Variants in ADAMTS18 observed in about 807,000 individuals in gnomAD.
ADAMTS18 encodes A disintegrin and metalloproteinase with thrombospondin motifs 18.
ADAMTS18 carries 157 observed loss-of-function variants against 165.9 expected under a neutral mutation model. The observed-to-expected ratio is 0.95, with a 90% CI of 0.83 to 1.08. ADAMTS18 has a LOEUF of 1.08. ADAMTS18 is among the 50% of genes least tolerant of loss of function. The probability of loss-of-function intolerance (pLI) is 0.00; values close to 1 mark genes in which losing one functional copy is unlikely to be tolerated. For synonymous variants in ADAMTS18, 782 were observed against 578.2 expected (o/e 1.35, Z -5.06); for missense variants, 2,040 against 1,534.0 (o/e 1.33, Z -5.51).
At chr16:77,365,544 T>C (rs1433472601) in intron 4 of ADAMTS18, among the ~76,000 whole-genome samples, 1 of 152,180 alleles carries the variant, frequency 6.6e-6, no homozygotes, top group East Asian at 1.9e-4. Flanking sequence ...TATTAAACAC[T>C]TTTCATAACT....
At chr16:77,366,326 G>C (rs2056793087) in intron 4 of ADAMTS18, among the ~76,000 whole-genome samples, 1 of 152,210 alleles carries the variant, frequency 6.6e-6, no homozygotes, top group South Asian at 2.1e-4. Context: ...GGGAGACCGA[G>C]GCGGGTGGAT....
At chr16:77,388,629 A>G (rs371894430) in intron 3 of ADAMTS18, among the ~76,000 whole-genome samples, 8 of 152,306 alleles carry the variant, frequency 5.3e-5, no homozygotes, top group African/African-American at 1.9e-4. Context: ...CACTGAAGGC[A>G]TAAATATATA....
chr16:77,429,612 T>A (rs562692689), intron 3 of ADAMTS18, among the ~76,000 whole-genome samples: 18 of 152,124 alleles, frequency 1.2e-4, no homozygotes, highest in Non-Finnish European at 2.5e-4. Flanking sequence ...GATAAAAACA[T>A]CATGAAATCT....
At position 77,355,993 on chromosome 16, in the gene ADAMTS18, A is replaced by C; in HGVS notation, c.1407T>G (p.Asn469Lys). ...NIMSPTLTGN[N>K]GVFSWSSCSR... ...TGCAGGAAGACCATGAAAACACTCC[A>C]TTGTTTCCGGTCAGTGTGGGAGACA... is the stretch of plus-strand genomic sequence containing the variant. Residue 469 changes from asparagine (N) to lysine (K), a missense_variant, in exon 9 of 23, where the codon AAT becomes AAG. Transcript: ENST00000282849. The C allele has an allele frequency of 6.2e-7, 1 of 1,614,020 alleles. No homozygotes were observed. Among genetic ancestry groups the C allele is most frequent in the Non-Finnish European group, 8.5e-7 (1 of 1,179,976 alleles).
At position 77,434,403 on chromosome 16, in the gene ADAMTS18, G is replaced by A. The variant is rs781486647; in HGVS notation, c.178+15C>T. 10 of 1,563,898 alleles carry A rather than the reference G, an allele frequency of 6.4e-6. No homozygotes were observed. Among genetic ancestry groups the A allele is most frequent in the Non-Finnish European group, 8.6e-6 (10 of 1,161,098 alleles). On this transcript the variant is annotated intron_variant, in intron 2 of 22. Coordinates refer to ENST00000282849, the MANE Select transcript of ADAMTS18 (RefSeq NM_199355.4). The stretch of plus-strand genomic sequence containing the variant: ...TGCGAAAGGCCCTTCTTGGGGATGG[G>A]GGGCAAATACGAACCATCATTTAAT...
intron 2 of ADAMTS18, 122 bp from the exon 3 acceptor site, chr16:77,431,733 C>G: frequency 2.9e-6 from 3 of 1,028,192 alleles, no homozygotes; most frequent in Non-Finnish European, 4.5e-6. Context: ...TTGCCTTGCA[C>G]CTAGATCAAA....
At chr16:77,400,452 GTGTC>G (rs1478293272) in intron 3 of ADAMTS18, among the ~76,000 whole-genome samples, 2,272 of 72,142 alleles carry the variant, frequency 0.031, 25 homozygotes, top group African/African-American at 0.048. Flanking sequence ...GTGTGTGTGT[GTGTC>G]TGTGTGTGTG....
chr16:77,333,234 GTTGA>G (rs1887959578), intron 12 of ADAMTS18, among the ~76,000 whole-genome samples: 1 of 152,034 alleles, frequency 6.6e-6, no homozygotes, highest in African/African-American at 2.4e-5. Flanking sequence ...TAAAACTCTG[GTTGA>G]TTGTTACTAA....
At chr16:77,349,683 A>C (rs576203427) in intron 10 of ADAMTS18, among the ~76,000 whole-genome samples, 1 of 152,244 alleles carries the variant, frequency 6.6e-6, no homozygotes, top group East Asian at 1.9e-4. Context: ...CTTCAGGAAA[A>C]GGCATAGACC....
At position 77,312,982 on chromosome 16, in the gene ADAMTS18, G is replaced by GAC. The variant is rs1047027655; in HGVS notation, c.2532+6865_2532+6866dup. ...GGATTATAAATCATGCTGCTATAAA[G>GAC]ACACACACACACGTATATTTATTGC... On this transcript the variant is annotated intron_variant, in intron 16 of 22. Coordinates refer to ENST00000282849, the MANE Select transcript of ADAMTS18 (RefSeq NM_199355.4). 3.6e-4 allele frequency among the ~76,000 whole-genome samples: 55 copies of GAC among 152,172 alleles called. No homozygotes were observed. In the Middle Eastern group the frequency reaches 0.017, roughly 47 times the overall value.
intron 3 of ADAMTS18, among the ~76,000 whole-genome samples, chr16:77,422,586 A>G (rs533610684): frequency 6.6e-6 from 1 of 150,982 alleles, no homozygotes; most frequent in South Asian, 2.1e-4. Flanking sequence ...GGAAGGAGGT[A>G]GGGAGGAAGG....
intron 3 of ADAMTS18, among the ~76,000 whole-genome samples, chr16:77,403,489 A>T (rs2057356441): frequency 6.6e-6 from 1 of 152,170 alleles, no homozygotes; most frequent in Admixed American, 6.5e-5. Context: ...ATGACATGAA[A>T]AGATAGAAAA....
At chr16:77,393,598 C>T (rs1294555672) in intron 3 of ADAMTS18, among the ~76,000 whole-genome samples, 1 of 152,186 alleles carries the variant, frequency 6.6e-6, no homozygotes, top group African/African-American at 2.4e-5. Flanking sequence ...AGCTGCCTTG[C>T]TTCTTCCACC....
chr16:77,352,021 A>G (rs985110308), intron 10 of ADAMTS18, among the ~76,000 whole-genome samples: 1 of 152,196 alleles, frequency 6.6e-6, no homozygotes. Flanking sequence ...AGTATAAGCC[A>G]CTACACCCAG....
intron 3 of ADAMTS18, among the ~76,000 whole-genome samples, chr16:77,417,631 G>T (rs1327302059): frequency 6.6e-6 from 1 of 152,150 alleles, no homozygotes; most frequent in Non-Finnish European, 1.5e-5. Context: ...CTTCAAGTAT[G>T]GCGACTATTT....
chr16:77,410,629 G>C (rs1461631209), intron 3 of ADAMTS18, among the ~76,000 whole-genome samples: 1 of 152,162 alleles, frequency 6.6e-6, no homozygotes. Context: ...CTAAAACCAA[G>C]TCTCTCGACC....
At chr16:77,375,663 C>T (rs1251799128) in intron 3 of ADAMTS18, among the ~76,000 whole-genome samples, 4 of 152,244 alleles carry the variant, frequency 2.6e-5, no homozygotes, top group East Asian at 1.9e-4. Flanking sequence ...GGACTGGGGA[C>T]GCCCTTAGGC....
chr16:77,300,063 T>TGAGCTTTGTGAGAGTTGATTC, intron 17 of ADAMTS18, 200 bp downstream of exon 17: 1 of 588,930 alleles, frequency 1.7e-6, no homozygotes, highest in Non-Finnish European at 2.9e-6. Context: ...GTGGTTGATT[T>TGAGCTTTGTGAGAGTTGATTC]GAGCTTTGTG....
chr16:77,410,944 A>G (rs529257804), intron 3 of ADAMTS18, among the ~76,000 whole-genome samples: 132 of 152,280 alleles, frequency 8.7e-4, no homozygotes, highest in African/African-American at 3.0e-3. Flanking sequence ...GGCCTTTCAG[A>G]TACTCCCTGT....
Sources: allele counts gnomAD v4.1 joint callset (sites outside exome capture counted in the v4.1 genomes callset), GRCh38; gene constraint gnomAD v4.1.1; transcripts MANE v1.5; gene names NCBI Gene and HGNC (gene_info 2026-07-23, HGNC 2026-07-21).